The following DPYD variants were observed in gnomAD, a reference collection of about 807,000 sequenced individuals.
DPYD encodes dihydropyrimidine dehydrogenase.
A neutral mutation model predicts 116.2 loss-of-function variants in DPYD; 109 were observed. The ratio of observed to expected loss-of-function variants is 0.94; its 90% CI spans 0.80 to 1.10. The LOEUF (loss-of-function observed/expected upper bound fraction) is 1.10, where lower values mean the gene tolerates loss of function less well. DPYD is among the 50% of genes least tolerant of loss of function. DPYD has a pLI of 0.00. For synonymous variants in DPYD, 440 were observed against 432.0 expected (o/e 1.02, Z -0.23); for missense variants, 1,302 against 1,254.5 (o/e 1.04, Z -0.57).
intron 3 of DPYD, among the ~76,000 whole-genome samples, chr1:97,747,760 T>C (rs1269639707): frequency 1.3e-5 from 2 of 152,190 alleles, no homozygotes; most frequent in Admixed American, 6.5e-5. Context: ...TCAGAAAGCG[T>C]AGCATTGAGG....
rs10681575 is a variant in DPYD at position 97,333,060 on chromosome 1, C to CTTTT, written c.2059-26767_2059-26764dup. On this transcript the variant is annotated intron_variant, in intron 16 of 22. Coordinates refer to ENST00000370192, the MANE Select transcript of DPYD (RefSeq NM_000110.4). ...CCCCAAAGAAAGCCAACTGCTAATT[C>CTTTT]TTTTTTTTTTTTTTTTCAGACAGAG... Among the ~76,000 whole-genome samples the CTTTT allele has an allele frequency of 1.1e-3, 152 of 133,864 alleles. 2 individuals are homozygous for CTTTT. The highest frequency in any genetic ancestry group is 3.2e-3 in the African/African-American group (113 of 35,772). The allele number at this position is 133,864 out of a possible 152,430, so 87.8% of individuals were successfully genotyped here. A position where few individuals can be genotyped will look rare whatever the true frequency, so the allele number is the denominator to read the frequency against.
At chr1:97,183,550 C>T (rs574910876) in intron 20 of DPYD, among the ~76,000 whole-genome samples, 76 of 152,196 alleles carry the variant, frequency 5.0e-4, no homozygotes, top group African/African-American at 1.8e-3. Flanking sequence ...TCTCCCACTT[C>T]CCACTTTGTT....
chr1:97,699,459 G>T lies in DPYD; in HGVS notation c.572C>A (p.Ala191Asp), dbSNP rs1661473234. 1 of 1,613,506 alleles carries T rather than the reference G, an allele frequency of 6.2e-7. No individual in the cohort carries two copies. Among genetic ancestry groups the T allele is most frequent in the African/African-American group, 1.3e-5 (1 of 74,886 alleles). ...ACTTGCAGGCCCAGCACCAAAAAGAGCAATCTTTGCAGAATAGGCTTCAGA... is the reference window on the plus strand; with the variant it reads ...ACTTGCAGGCCCAGCACCAAAAAGATCAATCTTTGCAGAATAGGCTTCAGA... ...KMSEAYSAKI[A>D]LFGAGPASIS... Residue 191 changes from alanine (A) to aspartate (D), a missense_variant, in exon 6 of 23, where the codon GCT (alanine) becomes GAT (aspartate). Coordinates refer to ENST00000370192, the MANE Select transcript of DPYD (RefSeq NM_000110.4).
At chr1:97,308,905 A>G (rs559666068) in intron 16 of DPYD, among the ~76,000 whole-genome samples, 1 of 151,946 alleles carries the variant, frequency 6.6e-6, no homozygotes, top group Admixed American at 6.6e-5. Flanking sequence ...ATACAAGGAG[A>G]AGAAGAAGAG....
intron 13 of DPYD, among the ~76,000 whole-genome samples, chr1:97,479,595 A>C (rs1439258945): frequency 6.6e-6 from 1 of 152,236 alleles, no homozygotes; most frequent in African/African-American, 2.4e-5. Flanking sequence ...AATTATCAAA[A>C]TGTGGCACAG....
intron 8 of DPYD, among the ~76,000 whole-genome samples, chr1:97,663,453 A>G (rs1284840010): frequency 6.6e-6 from 1 of 152,064 alleles, no homozygotes; most frequent in East Asian, 1.9e-4. Flanking sequence ...AGACTCATTC[A>G]TTGTATTTCC....
chr1:97,854,107 TAAAA>T (rs1031404929), intron 2 of DPYD, among the ~76,000 whole-genome samples: 1 of 152,180 alleles, frequency 6.6e-6, no homozygotes, highest in Non-Finnish European at 1.5e-5. Flanking sequence ...AATATATACA[TAAAA>T]AGAAAACATT....
At chr1:97,622,589 T>C (rs1557843237) in intron 8 of DPYD, among the ~76,000 whole-genome samples, 1 of 152,022 alleles carries the variant, frequency 6.6e-6, no homozygotes, top group Non-Finnish European at 1.5e-5. Flanking sequence ...TAGTTAATAA[T>C]AACGTATTAA....
intron 1 of DPYD, among the ~76,000 whole-genome samples, chr1:97,884,875 T>C (rs552190730): frequency 6.6e-6 from 1 of 152,186 alleles, no homozygotes; most frequent in Non-Finnish European, 1.5e-5. Flanking sequence ...ATCATAAATA[T>C]AATTTTTAAT....
chr1:97,217,172 C>A (rs192417999), intron 19 of DPYD, among the ~76,000 whole-genome samples: 3 of 152,324 alleles, frequency 2.0e-5, no homozygotes, highest in East Asian at 3.9e-4. Flanking sequence ...CATGCCACTG[C>A]ACTCCAGCCT....
At chr1:97,730,843 T>C (rs1009741445) in intron 4 of DPYD, among the ~76,000 whole-genome samples, 1 of 151,580 alleles carries the variant, frequency 6.6e-6, no homozygotes, top group African/African-American at 2.4e-5. Flanking sequence ...CTAATACAAA[T>C]ACAAAAACAA....
In DPYD at chr1:97,656,009, A is replaced by T. The variant is rs149814584; in HGVS notation, c.850+23086T>A. 1.5e-3 allele frequency among the ~76,000 whole-genome samples: 229 copies of T among 152,306 alleles called. 1 individual carries two copies. Among genetic ancestry groups the T allele is most frequent in the African/African-American group, 5.2e-3 (218 of 41,554 alleles). Reference sequence around the variant, plus strand: ...TATTACGTAGAAATAAAGGCTTAGAAGACAAGAGTGACTTTTCAAAATACC... The same window carrying T: ...TATTACGTAGAAATAAAGGCTTAGATGACAAGAGTGACTTTTCAAAATACC... On this transcript the variant is annotated intron_variant, in intron 8 of 22. Transcript: ENST00000370192.
rs940902697 is a variant in DPYD at position 97,830,285 on chromosome 1, A to G, written c.151-2089T>C. On this transcript the variant is annotated intron_variant, in intron 2 of 22. Coordinates refer to ENST00000370192, the MANE Select transcript of DPYD (RefSeq NM_000110.4). ...AGAGGAACAAGTTCATAAAAGAATT[A>G]AAGAAATAACAAAATTATTGGACAT... 5.9e-5 allele frequency among the ~76,000 whole-genome samples: 9 copies of G among 152,324 alleles called. No homozygotes were observed. The East Asian group carries it at 1.7e-3, about 29-fold the overall frequency.
intron 20 of DPYD, among the ~76,000 whole-genome samples, chr1:97,187,394 C>T (rs1226528981): frequency 3.9e-5 from 6 of 151,984 alleles, no homozygotes; most frequent in East Asian, 1.9e-4. Context: ...TGTCTGTTCA[C>T]GTCCTTTGCG....
intron 12 of DPYD, among the ~76,000 whole-genome samples, chr1:97,526,685 G>A (rs1649125650): frequency 6.6e-6 from 1 of 152,080 alleles, no homozygotes; most frequent in South Asian, 2.1e-4. Context: ...CTGGGGGTCT[G>A]TTCAAGAGAA....
At chr1:97,786,114 C>T (rs540280606) in intron 3 of DPYD, among the ~76,000 whole-genome samples, 1 of 151,634 alleles carries the variant, frequency 6.6e-6, no homozygotes, top group African/African-American at 2.4e-5. Flanking sequence ...AACTTCTCTC[C>T]CAAAATACGC....
At chr1:97,589,434 T>C (rs1448955867) in intron 10 of DPYD, among the ~76,000 whole-genome samples, 1 of 152,164 alleles carries the variant, frequency 6.6e-6, no homozygotes, top group Non-Finnish European at 1.5e-5. Flanking sequence ...GGCTCTTATC[T>C]TTTTGCTCAG....
intron 8 of DPYD, among the ~76,000 whole-genome samples, chr1:97,651,083 G>A (rs147961757): frequency 6.5e-4 from 99 of 152,128 alleles, no homozygotes; most frequent in African/African-American, 2.2e-3. Flanking sequence ...TTTGGGCACC[G>A]TTATTTTAAG....
At chr1:97,357,875 C>T (rs1005770254) in intron 16 of DPYD, among the ~76,000 whole-genome samples, 2 of 152,200 alleles carry the variant, frequency 1.3e-5, no homozygotes, top group Non-Finnish European at 1.5e-5. Flanking sequence ...CTGCAGCTTC[C>T]AGCATGATCA....
Sources: gnomAD v4.1 joint callset for allele counts (sites outside exome capture counted in the v4.1 genomes callset) on GRCh38, gnomAD v4.1.1 for gene constraint, MANE v1.5 for transcripts, NCBI Gene and HGNC (gene_info 2026-07-23, HGNC 2026-07-21) for gene names.